Variants in CDHR4 observed in about 807,000 individuals in gnomAD.
CDHR4 encodes the protein cadherin related family member 4.
CDHR4 carries 89 observed loss-of-function variants against 88.4 expected under a neutral mutation model. That is an observed-to-expected ratio of 1.01 (90% CI 0.85 to 1.20). The LOEUF is 1.20. Ranked by LOEUF, CDHR4 falls within the 50% of genes most tolerant of loss-of-function variation. The pLI, the probability that CDHR4 is intolerant of heterozygous loss-of-function variation, is 0.00. For synonymous variants in CDHR4, 368 were observed against 399.2 expected (o/e 0.92, Z 0.93); for missense variants, 914 against 1,007.2 (o/e 0.91, Z 1.25).
At position 49,799,419 on chromosome 3, in the gene CDHR4, C is replaced by G; in HGVS notation, c.68G>C (p.Cys23Ser). The change falls in exon 2 of 19, where the codon TGC becomes TCC. Residue 23 changes from cysteine (C) to serine (S), a missense_variant. Cys to Ser is a moderately radical substitution (Grantham distance 112). Transcript: ENST00000412678. Reference sequence around the variant, plus strand: ...CTGGCTCTCAGAGACATTTATAAAGCAGGGCAGGCTGCAGAGGTCTGTGAA... The same window carrying G: ...CTGGCTCTCAGAGACATTTATAAAGGAGGGCAGGCTGCAGAGGTCTGTGAA... ...PVVSDLCSLP[C>S]FINVSESQGP... 1 of 1,602,380 alleles carries G rather than the reference C, an allele frequency of 6.2e-7. No individual in the cohort carries two copies. Among genetic ancestry groups the G allele is most frequent in the Non-Finnish European group, 8.5e-7 (1 of 1,174,676 alleles).
At chr3:49,794,093 G>A in intron 10 of CDHR4, 87 bp from the exon 11 acceptor site, 1 of 1,355,644 alleles carries the variant, frequency 7.4e-7, no homozygotes, top group South Asian at 1.4e-5. Context: ...GCCCTGCCCT[G>A]GGGGTCTAAA....
Position 49,799,344 on chromosome 3 carries a change from G to C in CDHR4, c.143C>G (p.Thr48Arg). 6.2e-7 allele frequency: 1 copy of C among 1,613,680 alleles called. No individual in the cohort carries two copies. Among genetic ancestry groups the C allele is most frequent in the Non-Finnish European group, 8.5e-7 (1 of 1,179,760 alleles). ...QFLSFNCSSYTPTPTLELLNV... is the reference protein window; with the variant it reads ...QFLSFNCSSYRPTPTLELLNV... ...GAGCAACTCCAGGGTGGGTGTGGGC[G>C]TGTAGGAGGAGCAGTTGAAGGATAA... The change falls in exon 2 of 19, where the codon ACG becomes AGG. Residue 48 changes from threonine to arginine, a missense_variant. By Grantham distance (71) the Thr-to-Arg change is moderately conservative. Transcript: ENST00000412678.
Position 49,799,257 on chromosome 3 carries a change from T to C in CDHR4, c.230A>G (p.Tyr77Cys), listed in dbSNP as rs1215944102. 4.3e-6 allele frequency: 7 copies of C among 1,613,664 alleles called. No individual in the cohort carries two copies. The East Asian group carries it at 1.3e-4, about 31-fold the overall frequency. ...TACACATGACCCTACCTTGCCCACA[T>C]AGGTCCCTTGCCACCTGGCCAAGCT... ...PPSLARWQGT[Y>C]VGKLTLSSSA... The change falls in exon 2 of 19, where the codon TAT becomes TGT. Residue 77 changes from tyrosine (Y) to cysteine (C), a missense_variant. Transcript: ENST00000412678.
At chr3:49,799,663 T>A in intron 1 of CDHR4, 101 bp downstream of exon 1, 3 of 1,344,172 alleles carry the variant, frequency 2.2e-6, no homozygotes, top group Non-Finnish European at 3.1e-6. Context: ...TTCTTACACT[T>A]TCCTACCTCT....
At chr3:49,791,629 G>T in intron 17 of CDHR4, 85 bp downstream of exon 17, 1 of 1,494,556 alleles carries the variant, frequency 6.7e-7, no homozygotes, top group Non-Finnish European at 9.1e-7. Flanking sequence ...CGGAAAAGGG[G>T]CATGGGAAAA....
chr3:49,794,547 T>G (rs1180856273), intron 10 of CDHR4, 61 bp downstream of exon 10: 15 of 1,344,686 alleles, frequency 1.1e-5, no homozygotes, highest in African/African-American at 1.5e-5. Context: ...GTCCTGAGCA[T>G]GGGAAGCGGG....
At chr3:49,790,951 T>C in intron 18 of CDHR4, 64 bp from the exon 19 acceptor site, 12 of 1,280,198 alleles carry the variant, frequency 9.4e-6, no homozygotes, top group Non-Finnish European at 1.3e-5. Context: ...ACTGCCTCCC[T>C]CCCCCTTACT....
intron 15 of CDHR4, 75 bp from the exon 16 acceptor site, chr3:49,792,034 C>T: frequency 1.4e-6 from 2 of 1,419,418 alleles, no homozygotes; most frequent in Non-Finnish European, 1.9e-6. Flanking sequence ...ACCATTCACC[C>T]ATTCCTTTAT....
At chr3:49,799,463 G>A in intron 1 of CDHR4, 26 bp from the exon 2 acceptor site, 1 of 1,567,604 alleles carries the variant, frequency 6.4e-7, no homozygotes, top group Non-Finnish European at 8.6e-7. Flanking sequence ...AATTCAGGCT[G>A]GAGGCCCCCA....
At chr3:49,794,761 C>A in intron 9 of CDHR4, 60 bp from the exon 10 acceptor site, 3 of 1,478,770 alleles carry the variant, frequency 2.0e-6, no homozygotes, top group South Asian at 2.5e-5. Context: ...CTGAGCCACA[C>A]GGGGCTGCTG....
intron 4 of CDHR4, chr3:49,798,204 C>T (rs1419585701): frequency 6.7e-6 from 1 of 149,790 alleles, no homozygotes; most frequent in Non-Finnish European, 1.5e-5. Context: ...CTGGCCATTA[C>T]CTACATGTTT....
At chr3:49,799,643 G>A (rs756067088) in intron 1 of CDHR4, 121 bp downstream of exon 1, 6 of 1,156,200 alleles carry the variant, frequency 5.2e-6, no homozygotes, top group Admixed American at 2.3e-5. Flanking sequence ...GTGAGGGCCA[G>A]GGGTTCAGAT....
In CDHR4 at chr3:49,799,039, G is replaced by A. The variant is rs377719697; in HGVS notation, c.358C>T (p.Arg120Trp). 150 of 1,600,906 alleles carry A rather than the reference G, an allele frequency of 9.4e-5. No homozygotes were observed. The highest frequency in any genetic ancestry group is 1.2e-4 in the Non-Finnish European group (146 of 1,174,024). Reference sequence around the variant, plus strand: ...GCACACTGGATATGGCTAAGGTCCCGCTGCACATCCACAGAGAGTGAGCCC... The same window carrying A: ...GCACACTGGATATGGCTAAGGTCCCACTGCACATCCACAGAGAGTGAGCCC... ...MEGSLSVDVQ[R>W]DLSHIQCAGQ... is the part of the protein sequence containing the mutation. Residue 120 changes from arginine (R) to tryptophan (W), a missense_variant, in exon 3 of 19, where the codon CGG becomes TGG. Arg to Trp is a moderately radical substitution (Grantham distance 101, BLOSUM62 -3). Transcript: ENST00000412678.
At position 49,797,039 on chromosome 3, in the gene CDHR4, G is replaced by A; in HGVS notation, c.496-7C>T. On this transcript the variant is annotated splice_region_variant and splice_polypyrimidine_tract_variant and intron_variant, in intron 4 of 18. Coordinates refer to ENST00000412678, the MANE Select transcript of CDHR4 (RefSeq NM_001007540.4). ...GGGCACTGATAATGCTCATCTGACA[G>A]AACAGAGATGCTGGCAACCACATTC... is the stretch of plus-strand genomic sequence containing the variant. The A allele has an allele frequency of 1.3e-6, 2 of 1,550,302 alleles. No homozygotes were observed. Among genetic ancestry groups the A allele is most frequent in the Non-Finnish European group, 1.7e-6 (2 of 1,145,822 alleles).
chr3:49,798,631 T>C (rs2108288889), intron 4 of CDHR4, 195 bp downstream of exon 4: 1 of 563,716 alleles, frequency 1.8e-6, no homozygotes, highest in Non-Finnish European at 3.1e-6. Flanking sequence ...GATGTCCCTG[T>C]GGGAACAGCC....
In CDHR4 at chr3:49,790,993, C is replaced by T. The variant is rs1575338934; in HGVS notation, c.2312-106G>A. The T allele has an allele frequency of 3.5e-6, 3 of 855,110 alleles. No individual in the cohort carries two copies. The East Asian group carries it at 8.2e-5, about 23-fold the overall frequency. 53.0% of individuals were successfully genotyped at this position (855,110 alleles called of 1,614,324 possible). On this transcript the variant is annotated intron_variant, in intron 18 of 18. Transcript: ENST00000412678. Reference sequence around the variant, plus strand: ...TAGGAGATTATTCCTCCAGGACCCTCAGTGTGACATCCCACCTTCGCTGGA... The same window carrying T: ...TAGGAGATTATTCCTCCAGGACCCTTAGTGTGACATCCCACCTTCGCTGGA...
At chr3:49,798,660 G>C (rs1446658824) in intron 4 of CDHR4, 166 bp downstream of exon 4, 1 of 631,724 alleles carries the variant, frequency 1.6e-6, no homozygotes, top group Admixed American at 3.0e-5. Context: ...TGGGGAGTGA[G>C]CAGCCCTCAG....
rs1175020624 is a variant in CDHR4, at chr3:49,793,246, C to G, written c.1689G>C (p.Leu563=). The stretch of plus-strand genomic sequence containing the variant: ...TCTTGGTCACCTCCACGCTACGGCC[C>G]AGAGGAGCATAGATGGTGAGTTCCT... The part of the protein sequence containing the change: ...PFQELTIYAP[L]GRSVEVTKMS... Residue 563 remains leucine, a synonymous_variant, in exon 13 of 19, where the codon CTG becomes CTC. Coordinates refer to ENST00000412678, the MANE Select transcript of CDHR4 (RefSeq NM_001007540.4). 6.4e-7 allele frequency: 1 copy of G among 1,551,652 alleles called. No homozygotes were observed. Among genetic ancestry groups the G allele is most frequent in the South Asian group, 1.2e-5 (1 of 84,056 alleles).
Position 49,795,810 on chromosome 3 carries a change from C to T in CDHR4, c.711-46G>A, listed in dbSNP as rs1397058342. 29 of 1,549,290 alleles carry T rather than the reference C, an allele frequency of 1.9e-5. No individual in the cohort carries two copies. The highest frequency in any genetic ancestry group is 2.4e-5 in the Non-Finnish European group (27 of 1,145,588). On this transcript the variant is annotated intron_variant, in intron 6 of 18. Transcript: ENST00000412678. This position sits in a 1 kb window ranked among gnomAD's most constrained non-coding sequence, Gnocchi z 5.4. ...TGGTTCCTGCCCATTCCTGCTCAAC[C>T]TGTGGGTCCACAGCTTCCTTCCCTG... is the stretch of plus-strand genomic sequence containing the variant.
Sources: allele counts gnomAD v4.1 joint callset, GRCh38; gene constraint gnomAD v4.1.1; non-coding constraint Gnocchi (gnomAD v3.1); transcripts MANE v1.5; gene names NCBI Gene and HGNC (gene_info 2026-07-23, HGNC 2026-07-21).